The following ITGB5 variants were observed in gnomAD, a reference collection of about 807,000 sequenced individuals.
ITGB5 encodes the protein integrin beta-5.
In ITGB5, 38 loss-of-function variants were observed where a neutral mutation model predicts 84.8. That is an observed-to-expected ratio of 0.45 (90% CI 0.35 to 0.59). ITGB5 has a LOEUF of 0.59. Among genes scored for constraint, ITGB5 ranks in the 20% least tolerant of loss-of-function variants. The pLI, the probability that ITGB5 is intolerant of heterozygous loss-of-function variation, is 0.01. For missense variants in ITGB5, 905 were observed against 1,034.5 expected (o/e 0.87, Z 1.72); for synonymous variants, 393 against 414.4 (o/e 0.95, Z 0.63).
intron 10 of ITGB5, among the ~76,000 whole-genome samples, chr3:124,785,415 C>G (rs1384773537): frequency 6.6e-6 from 1 of 152,002 alleles, no homozygotes; most frequent in African/African-American, 2.4e-5. Context: ...AACTCTGTCT[C>G]TACTAAAAAT....
chr3:124,818,686 T>C (rs935787224), intron 7 of ITGB5, among the ~76,000 whole-genome samples: 4 of 152,070 alleles, frequency 2.6e-5, no homozygotes, highest in African/African-American at 7.2e-5. Flanking sequence ...GAATAGGCTT[T>C]ATCCTGCTAT....
At chr3:124,857,756 G>A (rs1424782118) in intron 3 of ITGB5, among the ~76,000 whole-genome samples, 2 of 152,138 alleles carry the variant, frequency 1.3e-5, no homozygotes, top group Non-Finnish European at 2.9e-5. Context: ...AACAGCCATG[G>A]GTTTGTGGTT....
intron 11 of ITGB5, among the ~76,000 whole-genome samples, chr3:124,772,193 A>G (rs1037862265): frequency 1.3e-5 from 2 of 152,082 alleles, no homozygotes; most frequent in Admixed American, 6.6e-5. Context: ...GGCTGTTTCT[A>G]CTTGGATCTG....
chr3:124,857,723 A>T (rs2065238684), intron 3 of ITGB5, among the ~76,000 whole-genome samples: 1 of 152,212 alleles, frequency 6.6e-6, no homozygotes, highest in Non-Finnish European at 1.5e-5. Context: ...CAGAATATTC[A>T]ATGATAAAAG....
chr3:124,875,547 C>T (rs368013542), intron 1 of ITGB5, among the ~76,000 whole-genome samples: 5 of 151,456 alleles, frequency 3.3e-5, no homozygotes, highest in African/African-American at 1.2e-4. Flanking sequence ...CAGGGAAACT[C>T]TGTACACTGT....
intron 4 of ITGB5, among the ~76,000 whole-genome samples, chr3:124,842,138 G>A (rs1036080324): frequency 5.3e-5 from 8 of 152,240 alleles, no homozygotes; most frequent in South Asian, 2.1e-4. Context: ...TTCTTCATTC[G>A]TTTCTAAATA....
At chr3:124,785,886 A>C (rs1214117303) in intron 10 of ITGB5, among the ~76,000 whole-genome samples, 1 of 152,170 alleles carries the variant, frequency 6.6e-6, no homozygotes, top group Non-Finnish European at 1.5e-5. Flanking sequence ...TGGAAAATGT[A>C]GGCTAAGTGC....
intron 1 of ITGB5, among the ~76,000 whole-genome samples, chr3:124,882,647 G>A (rs922000182): frequency 2.0e-4 from 30 of 152,312 alleles, no homozygotes; most frequent in African/African-American, 6.5e-4. Flanking sequence ...GAAACCATTC[G>A]AAGGTTTTAA....
chr3:124,804,275 G>A (rs1376846996), intron 9 of ITGB5, among the ~76,000 whole-genome samples: 1 of 152,198 alleles, frequency 6.6e-6, no homozygotes, highest in Non-Finnish European at 1.5e-5. Flanking sequence ...TGTAGTCCCA[G>A]TAGTTTGGGA....
intron 10 of ITGB5, among the ~76,000 whole-genome samples, chr3:124,788,148 C>T (rs1183606491): frequency 1.3e-5 from 2 of 152,154 alleles, no homozygotes; most frequent in Non-Finnish European, 2.9e-5. Context: ...AATCCACCCA[C>T]CACCTTGGCC....
At chr3:124,797,180 C>A (rs565057848) in intron 9 of ITGB5, among the ~76,000 whole-genome samples, 39 of 152,222 alleles carry the variant, frequency 2.6e-4, no homozygotes, top group Non-Finnish European at 1.9e-4. Context: ...CTCTTCCCAG[C>A]CCCGCTGCAG....
At chr3:124,788,706 A>G (rs2064116771) in intron 10 of ITGB5, among the ~76,000 whole-genome samples, 1 of 152,160 alleles carries the variant, frequency 6.6e-6, no homozygotes, top group East Asian at 1.9e-4. Context: ...TTCCTTTGGG[A>G]GAGAGGGGTC....
intron 10 of ITGB5, among the ~76,000 whole-genome samples, chr3:124,790,563 AG>A (rs2064135854): frequency 6.6e-6 from 1 of 152,250 alleles, no homozygotes; most frequent in Non-Finnish European, 1.5e-5. Context: ...TTGACTAGAC[AG>A]GGTTAACAGA....
chr3:124,840,899 C>G (rs1424284991), intron 5 of ITGB5, among the ~76,000 whole-genome samples: 1 of 152,026 alleles, frequency 6.6e-6, no homozygotes, highest in Non-Finnish European at 1.5e-5. Flanking sequence ...CTCCTGACCT[C>G]GTGATCCACC....
intron 10 of ITGB5, among the ~76,000 whole-genome samples, chr3:124,795,767 T>C (rs2064213328): frequency 6.6e-6 from 1 of 151,896 alleles, no homozygotes; most frequent in South Asian, 2.1e-4. Flanking sequence ...GTTTTGAAAA[T>C]GGAAGAAGGA....
intron 8 of ITGB5, among the ~76,000 whole-genome samples, chr3:124,809,824 G>GT (rs1050707795): frequency 1.3e-5 from 2 of 152,098 alleles, no homozygotes; most frequent in African/African-American, 2.4e-5. Flanking sequence ...AAAAAGTAAA[G>GT]TTTTTTTCTA....
chr3:124,812,163 T>C (rs558336120), intron 8 of ITGB5, among the ~76,000 whole-genome samples: 3 of 152,192 alleles, frequency 2.0e-5, no homozygotes, highest in Non-Finnish European at 4.4e-5. Context: ...TGTTGGTATA[T>C]ATCTGTTGAA....
chr3:124,771,527 T>A (rs867300859), intron 11 of ITGB5, among the ~76,000 whole-genome samples: 1 of 151,976 alleles, frequency 6.6e-6, no homozygotes, highest in Non-Finnish European at 1.5e-5. Context: ...GGTGGGAGAA[T>A]TGCTTGAGTT....
chr3:124,792,779 G>GA (rs1387481928), intron 10 of ITGB5: 1 of 152,176 alleles, frequency 6.6e-6, no homozygotes. Flanking sequence ...GAAGGGAAGA[G>GA]AAAGAGATAG....
Sources: allele counts gnomAD v4.1 joint callset (sites outside exome capture counted in the v4.1 genomes callset), GRCh38; gene constraint gnomAD v4.1.1; transcripts MANE v1.5; gene names NCBI Gene and HGNC (gene_info 2026-07-23, HGNC 2026-07-21).